The following TFB2M variants were observed in gnomAD, a reference collection of about 807,000 sequenced individuals.
TFB2M encodes transcription factor B2, mitochondrial, also known as dimethyladenosine transferase 2, mitochondrial.
Under a neutral mutation model 41.3 loss-of-function variants are expected in TFB2M, and 44 were observed. The observed-to-expected ratio is 1.07, with a 90% confidence interval of 0.84 to 1.37. TFB2M has a LOEUF of 1.37. Among genes scored for constraint, TFB2M ranks in the 40% most tolerant of loss-of-function variants. TFB2M has a pLI of 0.00. For missense variants in TFB2M, 496 were observed against 490.2 expected (o/e 1.01, Z -0.11); for synonymous variants, 188 against 176.8 (o/e 1.06, Z -0.50).
At chr1:246,560,034 G>A (rs1396872044) in intron 2 of TFB2M, among the ~76,000 whole-genome samples, 6 of 152,142 alleles carry the variant, frequency 3.9e-5, no homozygotes, top group Non-Finnish European at 5.9e-5. Context: ...GGACGGCTTT[G>A]AATGTGGCCC....
intron 2 of TFB2M, among the ~76,000 whole-genome samples, chr1:246,564,039 C>T (rs1335135400): frequency 6.6e-6 from 1 of 152,200 alleles, no homozygotes; most frequent in African/African-American, 2.4e-5. Context: ...GAAAGGAGCA[C>T]AGCGCAGCTT....
intron 7 of TFB2M, among the ~76,000 whole-genome samples, chr1:246,543,588 G>A (rs1263649664): frequency 5.9e-5 from 9 of 151,958 alleles, no homozygotes; most frequent in Non-Finnish European, 8.8e-5. Flanking sequence ...GGTGGCTCCC[G>A]CCTGTAACCC....
intron 6 of TFB2M, among the ~76,000 whole-genome samples, chr1:246,545,031 T>C (rs954175000): frequency 6.7e-6 from 1 of 149,560 alleles, no homozygotes; most frequent in Non-Finnish European, 1.5e-5. Flanking sequence ...GGTCTCGATC[T>C]CCTGACCTCG....
chr1:246,565,215 G>C (rs747460639), intron 1 of TFB2M, among the ~76,000 whole-genome samples: 24 of 152,226 alleles, frequency 1.6e-4, no homozygotes, highest in Non-Finnish European at 3.1e-4. Context: ...TGGTCTATAG[G>C]GAATGCACGG....
chr1:246,545,437 A>G lies in TFB2M; in HGVS notation c.859-756T>C, dbSNP rs61488124. 2.3e-3 allele frequency among the ~76,000 whole-genome samples: 355 copies of G among 152,020 alleles called. 2 individuals are homozygous for G. Among genetic ancestry groups the G allele is most frequent in the African/African-American group, 8.3e-3 (344 of 41,464 alleles). On this transcript the variant is annotated intron_variant, in intron 6 of 7. Coordinates refer to ENST00000366514, the MANE Select transcript of TFB2M (RefSeq NM_022366.3). ...CTACTCGGGAGGCTGAGGTGGGAGG[A>G]TGGCTTGAGCCCAGGAGGTGGAGGC...
At chr1:246,550,382 G>C (rs4654289) in intron 5 of TFB2M, among the ~76,000 whole-genome samples, 114,478 of 152,006 alleles carry the variant, frequency 0.75, 43,504 homozygotes, top group East Asian at 1. Context: ...TGACAGACAC[G>C]AAAGACAAGG....
intron 7 of TFB2M, among the ~76,000 whole-genome samples, chr1:246,544,022 T>C (rs376450538): frequency 2.0e-4 from 30 of 152,188 alleles, no homozygotes; most frequent in African/African-American, 7.0e-4. Context: ...TTCACTTATA[T>C]AGACATAAAG....
At chr1:246,556,502 G>A (rs190889312) in intron 4 of TFB2M, 71 bp downstream of exon 4, 15 of 1,132,586 alleles carry the variant, frequency 1.3e-5, no homozygotes, top group Admixed American at 3.0e-5. Context: ...AATTAAAATC[G>A]CACAGATTAA....
At chr1:246,555,809 G>C (rs1188713980) in intron 4 of TFB2M, among the ~76,000 whole-genome samples, 2 of 149,406 alleles carry the variant, frequency 1.3e-5, no homozygotes, top group Non-Finnish European at 3.0e-5. Flanking sequence ...TTTTTTTTTT[G>C]AGACAAAGTC....
intron 1 of TFB2M, 39 bp downstream of exon 1, chr1:246,565,787 T>C (rs1008491490): frequency 2.0e-5 from 31 of 1,578,934 alleles, no homozygotes; most frequent in Non-Finnish European, 2.6e-5. Flanking sequence ...TTTGAATAAA[T>C]GATGAACATC....
chr1:246,541,923 G>A (rs116150580), intron 7 of TFB2M, among the ~76,000 whole-genome samples: 1,977 of 152,252 alleles, frequency 0.013, 46 homozygotes, highest in African/African-American at 0.045. Context: ...GCTTAATGAT[G>A]GAGGTATGTC....
rs1223927642 is a variant in TFB2M at position 246,565,809 on chromosome 1, A to G, written c.313+17T>C. The G allele has an allele frequency of 1.3e-6, 2 of 1,587,078 alleles. No individual in the cohort carries two copies. The highest frequency in any genetic ancestry group is 2.3e-5 in the East Asian group (1 of 44,092). ...AAATGATGAACATCCAAGAAAATGCAATTCAGCTGGACTCACCTGGATTGC... is the reference window on the plus strand; with the variant it reads ...AAATGATGAACATCCAAGAAAATGCGATTCAGCTGGACTCACCTGGATTGC... On this transcript the variant is annotated intron_variant, in intron 1 of 7. Coordinates refer to ENST00000366514, the MANE Select transcript of TFB2M (RefSeq NM_022366.3).
intron 7 of TFB2M, among the ~76,000 whole-genome samples, chr1:246,543,948 C>T (rs1658930850): frequency 6.6e-6 from 1 of 152,078 alleles, no homozygotes; most frequent in African/African-American, 2.4e-5. Context: ...TGAGACTGTG[C>T]CACTACACTT....
intron 7 of TFB2M, among the ~76,000 whole-genome samples, chr1:246,542,848 A>C (rs1658899320): frequency 6.6e-6 from 1 of 151,706 alleles, no homozygotes; most frequent in Non-Finnish European, 1.5e-5. Context: ...AAGATGAAAA[A>C]TAATAGATTG....
chr1:246,564,273 T>G, intron 2 of TFB2M, 73 bp downstream of exon 2: 1 of 1,307,180 alleles, frequency 7.7e-7, no homozygotes, highest in Admixed American at 1.8e-5. Context: ...ACTGTGTGCT[T>G]AATTCCATTT....
intron 7 of TFB2M, among the ~76,000 whole-genome samples, chr1:246,543,485 G>C (rs1339841161): frequency 6.6e-6 from 1 of 152,120 alleles, no homozygotes; most frequent in Non-Finnish European, 1.5e-5. Flanking sequence ...TACATAGATG[G>C]CCAGGCGCAG....
intron 4 of TFB2M, among the ~76,000 whole-genome samples, chr1:246,551,704 C>T (rs1455378611): frequency 6.6e-6 from 1 of 151,834 alleles, no homozygotes; most frequent in Non-Finnish European, 1.5e-5. Context: ...AAAACAACAA[C>T]ACACAAGTGT....
chr1:246,551,647 G>A (rs763492517), intron 4 of TFB2M, among the ~76,000 whole-genome samples: 22 of 152,078 alleles, frequency 1.4e-4, no homozygotes, highest in Admixed American at 6.5e-4. Context: ...CTTGAGCCTA[G>A]AAGTTCAAGA....
chr1:246,548,841 G>C (rs1659093575), intron 5 of TFB2M, among the ~76,000 whole-genome samples: 1 of 152,086 alleles, frequency 6.6e-6, no homozygotes. Context: ...TATTAAACAT[G>C]ACTTCGCCTG....
Sources: gnomAD v4.1 joint callset for allele counts (sites outside exome capture counted in the v4.1 genomes callset) on GRCh38, gnomAD v4.1.1 for gene constraint, MANE v1.5 for transcripts, NCBI Gene and HGNC (gene_info 2026-07-23, HGNC 2026-07-21) for gene names.